GRIK4: variants seen among roughly 807,000 people sequenced by gnomAD.
The protein encoded by GRIK4 is glutamate ionotropic receptor kainate type subunit 4.
In GRIK4, 40 loss-of-function variants were observed where a neutral mutation model predicts 104.9. The observed-to-expected ratio is 0.38, with a 90% CI of 0.30 to 0.50. GRIK4 has a LOEUF of 0.50. Among genes scored for constraint, GRIK4 ranks in the 20% least tolerant of loss-of-function variants. GRIK4 has a pLI of 0.93. For missense variants in GRIK4, 1,047 were observed against 1,308.1 expected (o/e 0.80, Z 3.08); for synonymous variants, 485 against 524.9 (o/e 0.92, Z 1.04).
chr11:120,822,576 T>C (rs979655218), intron 6 of GRIK4, among the ~76,000 whole-genome samples: 7 of 152,280 alleles, frequency 4.6e-5, no homozygotes, highest in Non-Finnish European at 8.8e-5. Flanking sequence ...TTAAATAAAC[T>C]TAGAAATCCA....
intron 3 of GRIK4, among the ~76,000 whole-genome samples, chr11:120,683,475 G>T (rs927403545): frequency 1.3e-5 from 2 of 152,158 alleles, no homozygotes; most frequent in East Asian, 1.9e-4. Context: ...AAGTATAGAT[G>T]TCAGGGAGTC....
chr11:120,545,977 C>G (rs1306120055), intron 1 of GRIK4, among the ~76,000 whole-genome samples: 2 of 152,170 alleles, frequency 1.3e-5, no homozygotes, highest in Non-Finnish European at 2.9e-5. Flanking sequence ...CACATCTCTC[C>G]TGACTTCTGC....
intron 4 of GRIK4, among the ~76,000 whole-genome samples, chr11:120,814,341 T>C (rs1952888545): frequency 6.6e-6 from 1 of 152,200 alleles, no homozygotes; most frequent in Non-Finnish European, 1.5e-5. Flanking sequence ...GGCTCATGCC[T>C]GTAATCCCAG....
intron 1 of GRIK4, among the ~76,000 whole-genome samples, chr11:120,552,725 C>T (rs1948151408): frequency 6.6e-6 from 1 of 152,102 alleles, no homozygotes; most frequent in African/African-American, 2.4e-5. Context: ...AGAGGCCAGG[C>T]GTGGTGGCTC....
chr11:120,845,459 A>G lies in GRIK4; in HGVS notation c.744+8615A>G, dbSNP rs184385780. 3.7e-3 allele frequency among the ~76,000 whole-genome samples: 567 copies of G among 152,050 alleles called. 5 individuals carry two copies. Among genetic ancestry groups the G allele is most frequent in the Non-Finnish European group, 5.9e-3 (401 of 67,986 alleles). ...TCTCACTTACCTGTCAAGTATTTCC[A>G]TCCTTAGACCTCAGTTTCCTGATTT... On this transcript the variant is annotated intron_variant, in intron 8 of 20. Transcript: ENST00000527524.
rs186624074 is a variant in GRIK4, at chr11:120,733,419, T to C, written c.83-69274T>C. Among the ~76,000 whole-genome samples, 654 of 152,264 alleles carry C rather than the reference T, an allele frequency of 4.3e-3. 7 individuals carry two copies. Among genetic ancestry groups the C allele is most frequent in the African/African-American group, 0.015 (609 of 41,544 alleles). ...GTCCTTCTTGCCTTCCTTCCTGTCT[T>C]CCTTTTAGTGAAGGTGCTTTTCTCT... On this transcript the variant is annotated intron_variant, in intron 3 of 20. Transcript: ENST00000527524.
intron 1 of GRIK4, among the ~76,000 whole-genome samples, chr11:120,648,388 TC>T (rs1949571363): frequency 6.6e-6 from 1 of 152,154 alleles, no homozygotes; most frequent in Admixed American, 6.5e-5. Context: ...ACATAGTGGT[TC>T]CCCAGAGTTC....
intron 7 of GRIK4, among the ~76,000 whole-genome samples, chr11:120,836,080 G>C (rs7937037): frequency 0.33 from 49,842 of 152,094 alleles, 9,035 homozygotes; most frequent in East Asian, 0.49. Flanking sequence ...GAGTGGAGTT[G>C]ATTTGCATTG....
intron 3 of GRIK4, among the ~76,000 whole-genome samples, chr11:120,688,361 A>C (rs10892616): frequency 7.2e-5 from 11 of 152,116 alleles, no homozygotes. Context: ...ACACATAAAA[A>C]CCACAGGATT....
intron 1 of GRIK4, among the ~76,000 whole-genome samples, chr11:120,647,395 C>G (rs1016809527): frequency 6.6e-6 from 1 of 152,198 alleles, no homozygotes; most frequent in African/African-American, 2.4e-5. Flanking sequence ...GAGCACAGCT[C>G]TGGTCCTGGC....
At chr11:120,916,328 A>G (rs926256521) in intron 13 of GRIK4, among the ~76,000 whole-genome samples, 3 of 152,258 alleles carry the variant, frequency 2.0e-5, no homozygotes, top group Non-Finnish European at 2.9e-5. Flanking sequence ...TAATGAGGTC[A>G]TACAGGATAA....
Position 120,903,753 on chromosome 11 carries a change from C to T in GRIK4, c.1273-1537C>T, listed in dbSNP as rs1430314778. ...AGGCGATCTGCCCTCTCTGTGCCTG[C>T]CGCCTTGCCTCCCTTAGCTCCTAAC... On this transcript the variant is annotated intron_variant, in intron 12 of 20. Coordinates refer to ENST00000527524, the MANE Select transcript of GRIK4 (RefSeq NM_014619.5). This position sits in a 1 kb window ranked among gnomAD's most constrained non-coding sequence, Gnocchi z 4.4. 6.6e-6 allele frequency among the ~76,000 whole-genome samples: 1 copy of T among 152,190 alleles called. No individual in the cohort carries two copies. The highest frequency in any genetic ancestry group is 1.5e-5 in the Non-Finnish European group (1 of 68,024).
intron 3 of GRIK4, among the ~76,000 whole-genome samples, chr11:120,799,330 G>GA (rs1952581529): frequency 6.6e-6 from 1 of 152,174 alleles, no homozygotes; most frequent in Non-Finnish European, 1.5e-5. Context: ...GAGAAGGGAG[G>GA]AGGGGGAGTT....
At chr11:120,848,922 A>C (rs2135595457) in intron 8 of GRIK4, among the ~76,000 whole-genome samples, 1 of 152,248 alleles carries the variant, frequency 6.6e-6, no homozygotes, top group South Asian at 2.1e-4. Flanking sequence ...GGATATTGCC[A>C]GGAAGTCAAT....
chr11:120,922,019 C>A (rs2134571032), intron 13 of GRIK4, among the ~76,000 whole-genome samples: 1 of 152,272 alleles, frequency 6.6e-6, no homozygotes, highest in African/African-American at 2.4e-5. Flanking sequence ...CCCACCCCAC[C>A]CATCTGGACT....
chr11:120,570,385 T>A (rs1345317960), intron 1 of GRIK4, among the ~76,000 whole-genome samples: 2 of 152,216 alleles, frequency 1.3e-5, no homozygotes, highest in Non-Finnish European at 2.9e-5. Context: ...GATTTCCACA[T>A]CTCTATAGTT....
chr11:120,556,974 T>G (rs879033819), intron 1 of GRIK4, among the ~76,000 whole-genome samples: 1 of 152,094 alleles, frequency 6.6e-6, no homozygotes, highest in Non-Finnish European at 1.5e-5. Context: ...CTCCCTTTCT[T>G]GGTGTGAGTT....
At chr11:120,558,655 G>A (rs548829649) in intron 1 of GRIK4, among the ~76,000 whole-genome samples, 6 of 152,332 alleles carry the variant, frequency 3.9e-5, no homozygotes, top group African/African-American at 1.4e-4. Context: ...TGACAGTTGT[G>A]CTGATGAAGG....
chr11:120,715,403 A>G (rs913428062), intron 3 of GRIK4, among the ~76,000 whole-genome samples: 1 of 152,202 alleles, frequency 6.6e-6, no homozygotes, highest in Non-Finnish European at 1.5e-5. Flanking sequence ...TAAAAACAAA[A>G]AAACAAAGTA....
Sources: gnomAD v4.1 joint callset for allele counts (sites outside exome capture counted in the v4.1 genomes callset) on GRCh38, gnomAD v4.1.1 for gene constraint, Gnocchi (gnomAD v3.1) non-coding constraint, MANE v1.5 for transcripts, NCBI Gene and HGNC (gene_info 2026-07-23, HGNC 2026-07-21) for gene names.